STAU2: variants seen among roughly 807,000 people sequenced by gnomAD.
The protein encoded by STAU2 is staufen double-stranded RNA binding protein 2.
STAU2 carries 20 observed loss-of-function variants against 65.9 expected under a neutral mutation model. That is an observed-to-expected ratio of 0.30 (90% confidence interval 0.21 to 0.44). The LOEUF is 0.44. Ranked by LOEUF, STAU2 falls within the 20% of genes least tolerant of loss-of-function variation. The pLI, the probability that STAU2 is intolerant of heterozygous loss-of-function variation, is 1.00. For synonymous variants in STAU2, 232 were observed against 233.9 expected (o/e 0.99, Z 0.07); for missense variants, 558 against 683.9 (o/e 0.82, Z 2.05).
intron 12 of STAU2, among the ~76,000 whole-genome samples, chr8:73,573,073 T>C (rs1444236581): frequency 6.6e-6 from 1 of 152,206 alleles, no homozygotes; most frequent in Non-Finnish European, 1.5e-5. Flanking sequence ...ACAAAATCAA[T>C]GTGCAAAAAT....
chr8:73,459,644 G>A (rs1207526087), intron 13 of STAU2, among the ~76,000 whole-genome samples: 1 of 152,026 alleles, frequency 6.6e-6, no homozygotes, highest in Non-Finnish European at 1.5e-5. Context: ...AGCTCCCACT[G>A]AAATCAAAAC....
intron 13 of STAU2, chr8:73,527,894 A>G (rs200256919): frequency 3.6e-4 from 17 of 47,406 alleles, no homozygotes; most frequent in Admixed American, 5.5e-4. Context: ...TAGATTTCAC[A>G]GAACACACTT....
chr8:73,716,948 A>G (rs1821292313), intron 3 of STAU2, among the ~76,000 whole-genome samples: 2 of 152,148 alleles, frequency 1.3e-5, no homozygotes, highest in African/African-American at 4.8e-5. Flanking sequence ...TAAAAATACA[A>G]AAAGTAGCTG....
intron 4 of STAU2, among the ~76,000 whole-genome samples, chr8:73,701,876 A>G (rs1198311752): frequency 2.0e-5 from 3 of 152,188 alleles, no homozygotes; most frequent in Non-Finnish European, 4.4e-5. Flanking sequence ...TTTATACACA[A>G]TGGAGTACTA....
chr8:73,658,092 G>A (rs139197512), intron 6 of STAU2, among the ~76,000 whole-genome samples: 1,919 of 149,418 alleles, frequency 0.013, 21 homozygotes, highest in Middle Eastern at 0.06. Flanking sequence ...GACTGGGCAC[G>A]GTGGCTCACG....
chr8:73,457,851 G>C (rs1351547393), intron 13 of STAU2, among the ~76,000 whole-genome samples: 1 of 152,198 alleles, frequency 6.6e-6, no homozygotes. Flanking sequence ...GGCAGAGCCT[G>C]AGATACTCCC....
At chr8:73,681,197 T>C in intron 5 of STAU2, among the ~76,000 whole-genome samples, 2 of 152,036 alleles carry the variant, frequency 1.3e-5, no homozygotes, top group African/African-American at 4.8e-5. Context: ...AAGGAAATAA[T>C]CTTAAGATCT....
At chr8:73,479,191 A>G (rs1358000233) in intron 13 of STAU2, among the ~76,000 whole-genome samples, 1 of 152,176 alleles carries the variant, frequency 6.6e-6, no homozygotes, top group East Asian at 1.9e-4. Context: ...ACAAGGACTC[A>G]TAACTACATC....
intron 13 of STAU2, among the ~76,000 whole-genome samples, chr8:73,484,267 C>T (rs555457247): frequency 6.6e-6 from 1 of 152,190 alleles, no homozygotes; most frequent in African/African-American, 2.4e-5. Context: ...TGGAAGAAGA[C>T]AGTGTTCTGA....
chr8:73,747,285 G>T, upstream of STAU2: 6 of 1,388,216 alleles, frequency 4.3e-6, no homozygotes, highest in Non-Finnish European at 5.9e-6. Context: ...GTGGGCCTGG[G>T]GCAGCCCCTT....
intron 13 of STAU2, among the ~76,000 whole-genome samples, chr8:73,497,910 C>A (rs2128918587): frequency 6.6e-6 from 1 of 151,830 alleles, no homozygotes; most frequent in Middle Eastern, 3.4e-3. Context: ...TGTCAAAATA[C>A]AAAAGGTGTT....
upstream of STAU2, chr8:73,747,167 C>A: frequency 2.0e-6 from 1 of 511,110 alleles, no homozygotes; most frequent in Middle Eastern, 5.3e-4. Context: ...TGGGCGAGGG[C>A]CATTCCCGGG....
intron 13 of STAU2, among the ~76,000 whole-genome samples, chr8:73,470,814 ATT>A (rs58008331): frequency 6.6e-6 from 1 of 151,190 alleles, no homozygotes; most frequent in Non-Finnish European, 1.5e-5. Context: ...TAAAAAAAAA[ATT>A]TTTTTTTAAA....
intron 6 of STAU2, among the ~76,000 whole-genome samples, chr8:73,660,722 T>C (rs148309968): frequency 0.018 from 2,780 of 152,244 alleles, 52 homozygotes; most frequent in Non-Finnish European, 0.03. Flanking sequence ...CATGTTTAAA[T>C]CCTAACTTAA....
intron 4 of STAU2, among the ~76,000 whole-genome samples, chr8:73,701,451 T>G (rs903102328): frequency 1.3e-5 from 2 of 151,806 alleles, no homozygotes; most frequent in Non-Finnish European, 2.9e-5. Flanking sequence ...AATAATCCAA[T>G]TTAAACAACA....
chr8:73,456,592 G>C (rs1336083144), intron 13 of STAU2, among the ~76,000 whole-genome samples: 1 of 152,120 alleles, frequency 6.6e-6, no homozygotes, highest in Non-Finnish European at 1.5e-5. Flanking sequence ...AACAGTCCTG[G>C]TGTGGAGGCA....
At chr8:73,445,109 A>C (rs987168848) in intron 13 of STAU2, among the ~76,000 whole-genome samples, 1 of 152,250 alleles carries the variant, frequency 6.6e-6, no homozygotes, top group Non-Finnish European at 1.5e-5. Context: ...TTATCAGCCA[A>C]GAAAGAAGTC....
intron 13 of STAU2, among the ~76,000 whole-genome samples, chr8:73,495,801 G>A (rs79750949): frequency 1.1e-3 from 167 of 150,812 alleles, no homozygotes; most frequent in Middle Eastern, 3.5e-3. Context: ...ATTAATCTAC[G>A]GAAGCAACAA....
intron 6 of STAU2, among the ~76,000 whole-genome samples, chr8:73,643,241 C>G (rs1420548957): frequency 6.6e-6 from 1 of 152,210 alleles, no homozygotes; most frequent in Non-Finnish European, 1.5e-5. Flanking sequence ...ATTAAACATC[C>G]TCCACACTAG....
Sources: gnomAD v4.1 joint callset for allele counts (sites outside exome capture counted in the v4.1 genomes callset) on GRCh38, gnomAD v4.1.1 for gene constraint, MANE v1.5 for transcripts, NCBI Gene and HGNC (gene_info 2026-07-23, HGNC 2026-07-21) for gene names.